The following NOMO2 variants were observed in gnomAD, a reference collection of about 807,000 sequenced individuals.
The protein encoded by NOMO2 is NODAL modulator 2.
In NOMO2, 14 loss-of-function variants were observed where a neutral mutation model predicts 67.1. The observed-to-expected ratio is 0.21, with a 90% CI of 0.14 to 0.33. NOMO2 has a LOEUF of 0.33. Ranked by LOEUF, NOMO2 falls within the 10% of genes least tolerant of loss-of-function variation. NOMO2 has a pLI of 1.00. For synonymous variants in NOMO2, 80 were observed against 305.9 expected (o/e 0.26, Z 7.71); for missense variants, 178 against 761.0 (o/e 0.23, Z 9.01).
Position 18,561,941 on chromosome 16 carries a change from C to T in NOMO2, c.100G>A (p.Asp34Asn). ...AAGCCACCGCAGCCCACCACGATGT[C>T]CTCCGAGCCGTGCGCCGGCCCCACG... ...SGVGPAHGSE[D>N]IVVGCGGFVK... Residue 34 changes from aspartate (D) to asparagine (N), a missense_variant, in exon 1 of 31, where the codon GAC becomes AAC. Transcript: ENST00000622306. 2 of 1,577,816 alleles carry T rather than the reference C, an allele frequency of 1.3e-6. No individual in the cohort carries two copies. The highest frequency in any genetic ancestry group is 8.6e-7 in the Non-Finnish European group (1 of 1,163,892).
At chr16:18,547,704 AGTG>A (rs1244138842) in intron 5 of NOMO2, among the ~76,000 whole-genome samples, 2 of 151,762 alleles carry the variant, frequency 1.3e-5, no homozygotes, top group Non-Finnish European at 2.9e-5. Flanking sequence ...GGAAGGGAGA[AGTG>A]GGGTGAAAAA....
At chr16:18,555,335 G>GA (rs1403043253) in intron 2 of NOMO2, among the ~76,000 whole-genome samples, 2 of 150,042 alleles carry the variant, frequency 1.3e-5, no homozygotes, top group East Asian at 4.0e-4. Flanking sequence ...TTCAAGACCA[G>GA]CCTAAGCAAC....
At chr16:18,528,929 C>A (rs1322921145) in intron 15 of NOMO2, among the ~76,000 whole-genome samples, 1 of 133,394 alleles carries the variant, frequency 7.5e-6, no homozygotes, top group African/African-American at 2.7e-5. Flanking sequence ...GATTGCGCCA[C>A]TGCACTCCAG....
intron 3 of NOMO2, among the ~76,000 whole-genome samples, chr16:18,554,133 G>A (rs982895568): frequency 4.6e-5 from 7 of 152,008 alleles, no homozygotes; most frequent in Admixed American, 1.3e-4. Flanking sequence ...TTAGTTCTAT[G>A]AGGAAAGTTT....
intron 9 of NOMO2, among the ~76,000 whole-genome samples, chr16:18,540,055 T>A (rs1168425432): frequency 6.6e-6 from 1 of 151,618 alleles, no homozygotes; most frequent in Non-Finnish European, 1.5e-5. Context: ...ACTTTTTCTG[T>A]CTTAGTCACC....
At chr16:18,540,021 GCATGTTAC>G (rs1473239908) in intron 9 of NOMO2, among the ~76,000 whole-genome samples, 1 of 151,412 alleles carries the variant, frequency 6.6e-6, no homozygotes, top group East Asian at 1.9e-4. Flanking sequence ...CCTCCCACTA[GCATGTTAC>G]CTCATGGAGA....
chr16:18,557,862 A>T, intron 1 of NOMO2, 71 bp from the exon 2 acceptor site: 2 of 1,587,578 alleles, frequency 1.3e-6, no homozygotes, highest in Non-Finnish European at 1.7e-6. Flanking sequence ...GTTACACCTG[A>T]ATGCACTCAG....
At chr16:18,529,394 G>A (rs766615697) in intron 15 of NOMO2, 107 bp downstream of exon 15, 1 of 1,609,830 alleles carries the variant, frequency 6.2e-7, no homozygotes, top group African/African-American at 1.3e-5. Context: ...AGGCAGAAAA[G>A]GAAATCTGAC....
At chr16:18,539,042 G>A (rs969400815) in intron 9 of NOMO2, 78 bp from the exon 10 acceptor site, 25 of 826,886 alleles carry the variant, frequency 3.0e-5, no homozygotes, top group Admixed American at 8.0e-5. Context: ...CTGCTGCGCC[G>A]GCCACCACCT....
chr16:18,558,089 A>G (rs1302078014), intron 1 of NOMO2, among the ~76,000 whole-genome samples: 1 of 150,260 alleles, frequency 6.7e-6, no homozygotes, highest in Non-Finnish European at 1.5e-5. Flanking sequence ...TTCCGGGTCT[A>G]AAACAAATTT....
At chr16:18,557,847 C>T (rs1901945452) in intron 1 of NOMO2, 56 bp from the exon 2 acceptor site, 1 of 1,577,924 alleles carries the variant, frequency 6.3e-7, no homozygotes, top group Non-Finnish European at 8.6e-7. Flanking sequence ...GAATTAACTA[C>T]ACATGTTACA....
intron 3 of NOMO2, among the ~76,000 whole-genome samples, chr16:18,554,509 T>C (rs1349359761): frequency 4.6e-5 from 7 of 151,632 alleles, no homozygotes; most frequent in Non-Finnish European, 8.8e-5. Context: ...GTCCCCACTC[T>C]TGATTTCTAT....
At chr16:18,536,532 G>A (rs1901427252) in intron 11 of NOMO2, among the ~76,000 whole-genome samples, 1 of 151,442 alleles carries the variant, frequency 6.6e-6, no homozygotes, top group Non-Finnish European at 1.5e-5. Context: ...TGCATTTTTG[G>A]TAGAGATGTT....
chr16:18,554,234 G>C (rs1220823308), intron 3 of NOMO2, among the ~76,000 whole-genome samples: 20 of 151,908 alleles, frequency 1.3e-4, no homozygotes, highest in Admixed American at 3.9e-4. Flanking sequence ...ACTCAGTATT[G>C]GTTTATTAAT....
chr16:18,526,809 G>A (rs1901156227), intron 16 of NOMO2, among the ~76,000 whole-genome samples: 1 of 151,974 alleles, frequency 6.6e-6, no homozygotes, highest in Non-Finnish European at 1.5e-5. Flanking sequence ...TCTAAAACTG[G>A]ATTCTGGCCG....
At chr16:18,528,103 T>G (rs1901187886) in intron 15 of NOMO2, 2 of 456,858 alleles carry the variant, frequency 4.4e-6, no homozygotes, top group Non-Finnish European at 8.8e-6. Flanking sequence ...ACAACACGTG[T>G]TTCTGGAGAA....
In NOMO2 at chr16:18,557,615, G is replaced by A. The variant is rs1346497462; in HGVS notation, c.255+87C>T. The stretch of plus-strand genomic sequence containing the variant: ...TAATTTACAAAACAGATGAGCATTT[G>A]CTAGTGTAGGAAAGGGCATGGTTAA... On this transcript the variant is annotated intron_variant, in intron 2 of 30. Coordinates refer to ENST00000622306, the MANE Select transcript of NOMO2 (RefSeq NM_173614.4). 24 of 1,608,118 alleles carry A rather than the reference G, an allele frequency of 1.5e-5. 1 individual carries two copies. The highest frequency in any genetic ancestry group is 2.0e-5 in the Non-Finnish European group (23 of 1,177,030).
chr16:18,533,234 G>A (rs1211388405), intron 11 of NOMO2, 55 bp from the exon 12 acceptor site: 1 of 1,575,660 alleles, frequency 6.3e-7, no homozygotes, highest in East Asian at 2.2e-5. Context: ...AACAGGAAAG[G>A]CTCTTATCGA....
intron 15 of NOMO2, among the ~76,000 whole-genome samples, chr16:18,528,992 CATATATATATATAT>C (rs60355905): frequency 0.17 from 2,122 of 12,322 alleles, 299 homozygotes; most frequent in Middle Eastern, 0.38. Context: ...AAAAAAAATA[CATATATATATATAT>C]ATATATATAT....
Sources: gnomAD v4.1 joint callset for allele counts (sites outside exome capture counted in the v4.1 genomes callset) on GRCh38, gnomAD v4.1.1 for gene constraint, MANE v1.5 for transcripts, NCBI Gene and HGNC (gene_info 2026-07-23, HGNC 2026-07-21) for gene names.